SEC14L1: variants seen among roughly 807,000 people sequenced by gnomAD.
SEC14L1 encodes SEC14 like lipid binding 1.
A neutral mutation model predicts 85.3 loss-of-function variants in SEC14L1; 48 were observed. The observed-to-expected ratio is 0.56, with a 90% confidence interval of 0.45 to 0.72. The LOEUF (loss-of-function observed/expected upper bound fraction) is 0.72, where lower values mean the gene tolerates loss of function less well. SEC14L1 is among the 30% of genes least tolerant of loss of function. SEC14L1 has a pLI of 0.00. For missense variants in SEC14L1, 682 were observed against 921.4 expected (o/e 0.74, Z 3.36); for synonymous variants, 391 against 355.5 (o/e 1.10, Z -1.12).
intron 3 of SEC14L1, among the ~76,000 whole-genome samples, chr17:77,110,628 C>T (rs564090311): frequency 1.3e-5 from 2 of 151,882 alleles, no homozygotes; most frequent in African/African-American, 4.8e-5. Context: ...TGCCTATAAT[C>T]CCAGCACTTT....
intron 8 of SEC14L1, among the ~76,000 whole-genome samples, chr17:77,199,947 T>C (rs1303477639): frequency 6.6e-6 from 1 of 152,132 alleles, no homozygotes; most frequent in Non-Finnish European, 1.5e-5. Context: ...GGCAGGAGGA[T>C]TGCTTGAGCT....
rs1389127541 is a variant in SEC14L1 at position 77,216,884 on chromosome 17, T to TA, written c.*2865dup. Reference sequence around the variant, plus strand: ...TACCTTTAGTACCTTGCCACTCTTTTAAAACGCTGCTGTCATTTCCCATTT... The same window carrying TA: ...TACCTTTAGTACCTTGCCACTCTTTTAAAAACGCTGCTGTCATTTCCCATTT... On this transcript the variant is annotated 3_prime_UTR_variant, in exon 17 of 17. Transcript: ENST00000436233. 3.4e-6 allele frequency: 1 copy of TA among 295,986 alleles called. No homozygotes were observed. The highest frequency in any genetic ancestry group is 6.4e-6 in the Non-Finnish European group (1 of 156,712). The allele number at this position is 295,986 out of a possible 1,614,324, so 18.3% of individuals were successfully genotyped here. A position where few individuals can be genotyped will look rare whatever the true frequency, so the allele number is the denominator to read the frequency against.
chr17:77,191,096 C>A (rs1975510591), intron 4 of SEC14L1, 85 bp from the exon 5 acceptor site: 5 of 1,527,044 alleles, frequency 3.3e-6, no homozygotes, highest in Non-Finnish European at 4.5e-6. Context: ...AGGGCAGCCC[C>A]CAGAGACAAC....
chr17:77,113,117 C>CCACTT lies in SEC14L1; in HGVS notation c.-136+19775_-136+19779dup, dbSNP rs375999102. ...GAGGCTGCACTGAGCCAAGATCGTA[C>CCACTT]CACTTCACTCCAGCCCAGACATTAG... is the stretch of plus-strand genomic sequence containing the variant. On this transcript the variant is annotated intron_variant, in intron 3 of 19. Transcript: ENST00000392476. Among the ~76,000 whole-genome samples the CCACTT allele has an allele frequency of 1.7e-3, 260 of 152,198 alleles. 1 individual carries two copies. The highest frequency in any genetic ancestry group is 5.8e-3 in the African/African-American group (239 of 41,528).
At chr17:77,192,551 A>G (rs1975597696) in intron 5 of SEC14L1, among the ~76,000 whole-genome samples, 1 of 151,700 alleles carries the variant, frequency 6.6e-6, no homozygotes, top group Non-Finnish European at 1.5e-5. Flanking sequence ...GTGCCGTGCT[A>G]TTCTTCCCTA....
chr17:77,167,155 T>C (rs891952415), intron 3 of SEC14L1, among the ~76,000 whole-genome samples: 1 of 150,900 alleles, frequency 6.6e-6, no homozygotes, highest in Non-Finnish European at 1.5e-5. Flanking sequence ...CCTTTTTTTT[T>C]TTTTTTTTTT....
intron 3 of SEC14L1, among the ~76,000 whole-genome samples, chr17:77,095,950 G>T (rs1971631822): frequency 6.6e-6 from 1 of 152,102 alleles, no homozygotes; most frequent in South Asian, 2.1e-4. Flanking sequence ...GGGAGGCCTA[G>T]ACTCCATGGG....
intron 3 of SEC14L1, among the ~76,000 whole-genome samples, chr17:77,097,962 A>T (rs944923615): frequency 6.6e-6 from 1 of 152,098 alleles, no homozygotes; most frequent in Non-Finnish European, 1.5e-5. Context: ...CTTCAGTGAG[A>T]GTAAGTCACA....
In SEC14L1 at chr17:77,203,724, T is replaced by TCC. The variant is rs1403189701; in HGVS notation, c.1098+66_1098+67insCC. The TCC allele has an allele frequency of 7.4e-5, 93 of 1,264,734 alleles. 2 individuals are homozygous for TCC. The Admixed American group carries it at 1.8e-3, about 25-fold the overall frequency. The allele number at this position is 1,264,734 out of a possible 1,614,324, so 78.3% of individuals were successfully genotyped here. A position where few individuals can be genotyped will look rare whatever the true frequency, so the allele number is the denominator to read the frequency against. On this transcript the variant is annotated intron_variant, in intron 10 of 16. Transcript: ENST00000436233. Reference sequence around the variant, plus strand: ...TCACTTTTTTTCTCTGCCAGTAGGATTGGGGTGTTAACCAGCCTGTTAGAA... The same window carrying TCC: ...TCACTTTTTTTCTCTGCCAGTAGGATCCTGGGGTGTTAACCAGCCTGTTAGAA...
chr17:77,203,442 G>A, intron 9 of SEC14L1, 128 bp from the exon 10 acceptor site: 2 of 735,428 alleles, frequency 2.7e-6, no homozygotes, highest in Non-Finnish European at 4.5e-6. Context: ...CCACTTCTAA[G>A]AATCAGAAAG....
chr17:77,099,117 G>A (rs2143304851), intron 3 of SEC14L1: 1 of 152,276 alleles, frequency 6.6e-6, no homozygotes, highest in African/African-American at 2.4e-5. Flanking sequence ...TTCACAGACT[G>A]TCAGCTGTGG....
chr17:77,149,843 T>C lies in SEC14L1; in HGVS notation c.63+6184T>C, dbSNP rs1206435410. Among the ~76,000 whole-genome samples, 9 of 151,996 alleles carry C rather than the reference T, an allele frequency of 5.9e-5. No homozygotes were observed. The South Asian group carries it at 1.0e-3, about 18-fold the overall frequency. ...GGAGCAAAGCCCTTTTGTGATAAAG[T>C]TGGCTGATTTGTGTTTTTTTTTTTT... On this transcript the variant is annotated intron_variant, in intron 3 of 16. Transcript: ENST00000436233.
At position 77,205,355 on chromosome 17, in the gene SEC14L1, G is replaced by A. The variant is rs774508994; in HGVS notation, c.1169+9G>A. On this transcript the variant is annotated intron_variant, in intron 11 of 16. Transcript: ENST00000436233. ...TTTGGTCGGCCTATCAGGTAGATGT[G>A]GGATTTTGTTTTTCCTTTCAACTTA... The A allele has an allele frequency of 3.1e-6, 5 of 1,612,316 alleles. No individual in the cohort carries two copies. The Admixed American group carries it at 6.7e-5, about 22-fold the overall frequency.
At chr17:77,188,662 G>A (rs1048341506) in intron 3 of SEC14L1, among the ~76,000 whole-genome samples, 2 of 152,114 alleles carry the variant, frequency 1.3e-5, no homozygotes, top group East Asian at 3.8e-4. Flanking sequence ...TAAATGCCCA[G>A]GAGTGCATTT....
chr17:77,131,077 C>T (rs1206306216), intron 3 of SEC14L1, among the ~76,000 whole-genome samples: 1 of 152,134 alleles, frequency 6.6e-6, no homozygotes, highest in Non-Finnish European at 1.5e-5. Context: ...CTTCTACGGA[C>T]AGTCTAGTTT....
chr17:77,163,989 A>G (rs1974178436), intron 3 of SEC14L1, among the ~76,000 whole-genome samples: 1 of 152,240 alleles, frequency 6.6e-6, no homozygotes, highest in Non-Finnish European at 1.5e-5. Context: ...GCAATTTGCA[A>G]AATACTTAAA....
chr17:77,127,506 C>T (rs1376450612), intron 3 of SEC14L1, among the ~76,000 whole-genome samples: 8 of 152,100 alleles, frequency 5.3e-5, no homozygotes, highest in African/African-American at 1.2e-4. Flanking sequence ...CCCACCACCA[C>T]GCCTGGCTAA....
chr17:77,155,933 C>T (rs546660933), intron 3 of SEC14L1, among the ~76,000 whole-genome samples: 1 of 152,244 alleles, frequency 6.6e-6, no homozygotes, highest in Admixed American at 6.5e-5. Flanking sequence ...CTCCCAGAAT[C>T]CTTTGTCATT....
intron 3 of SEC14L1, among the ~76,000 whole-genome samples, chr17:77,157,999 G>A (rs1002207727): frequency 6.6e-6 from 1 of 152,002 alleles, no homozygotes; most frequent in African/African-American, 2.4e-5. Flanking sequence ...TGATGTCCAC[G>A]TTATATTAAC....
Sources: gnomAD v4.1 joint callset for allele counts (sites outside exome capture counted in the v4.1 genomes callset) on GRCh38, gnomAD v4.1.1 for gene constraint, MANE v1.5 for transcripts, NCBI Gene and HGNC (gene_info 2026-07-23, HGNC 2026-07-21) for gene names.